CFAP54: variants seen among roughly 807,000 people sequenced by gnomAD.
CFAP54 encodes cilia and flagella associated protein 54.
A neutral mutation model predicts 370.4 loss-of-function variants in CFAP54; 290 were observed. The ratio of observed to expected loss-of-function variants is 0.78; its 90% CI spans 0.71 to 0.86. The LOEUF (loss-of-function observed/expected upper bound fraction) is 0.86, where lower values mean the gene tolerates loss of function less well. Ranked by LOEUF, CFAP54 falls within the 40% of genes least tolerant of loss-of-function variation. The pLI is 0.00. For missense variants in CFAP54, 3,399 were observed against 3,528.7 expected (o/e 0.96, Z 0.93); for synonymous variants, 1,206 against 1,236.5 (o/e 0.98, Z 0.52).
At chr12:96,726,654 G>C (rs1461006585) in intron 50 of CFAP54, among the ~76,000 whole-genome samples, 2 of 151,668 alleles carry the variant, frequency 1.3e-5, no homozygotes, top group Admixed American at 6.6e-5. Context: ...TTTTTGAAGG[G>C]TTTTTTGTGT....
intron 33 of CFAP54, chr12:96,645,280 G>A (rs1172873814): frequency 4.9e-6 from 2 of 407,690 alleles, no homozygotes; most frequent in Non-Finnish European, 1.0e-5. Flanking sequence ...TGAGCAAAAA[G>A]CACAAGCATT....
intron 17 of CFAP54, among the ~76,000 whole-genome samples, chr12:96,560,193 A>T (rs1565896761): frequency 6.6e-6 from 1 of 152,152 alleles, no homozygotes; most frequent in Non-Finnish European, 1.5e-5. Flanking sequence ...TAGCCACCCT[A>T]TTGTCCTGTT....
intron 63 of CFAP54, among the ~76,000 whole-genome samples, chr12:96,794,874 A>C (rs1030723412): frequency 6.6e-6 from 1 of 152,326 alleles, no homozygotes; most frequent in Non-Finnish European, 1.5e-5. Flanking sequence ...AGACTAGGTC[A>C]GAGGGAAGAT....
intron 51 of CFAP54, among the ~76,000 whole-genome samples, chr12:96,741,369 G>T (rs1024874100): frequency 6.6e-6 from 1 of 152,066 alleles, no homozygotes; most frequent in African/African-American, 2.4e-5. Flanking sequence ...CACCATATTG[G>T]TCAGGCTGGT....
intron 33 of CFAP54, chr12:96,647,172 T>G (rs1279906322): frequency 1.3e-5 from 2 of 152,014 alleles, no homozygotes; most frequent in East Asian, 3.9e-4. Context: ...GCCTAGACCT[T>G]ATTTTAAAAA....
chr12:96,848,200 C>G (rs902117792), intron 66 of CFAP54, among the ~76,000 whole-genome samples: 5 of 152,020 alleles, frequency 3.3e-5, no homozygotes, highest in African/African-American at 1.2e-4. Flanking sequence ...CCTTAGCCTC[C>G]CGAGTAGTTG....
intron 26 of CFAP54, among the ~76,000 whole-genome samples, chr12:96,608,459 CTT>C (rs5800258): frequency 4.7e-5 from 5 of 106,956 alleles, no homozygotes; most frequent in East Asian, 2.6e-4. Context: ...CATAGTAGGA[CTT>C]TTTTTTTTTT....
intron 63 of CFAP54, among the ~76,000 whole-genome samples, chr12:96,796,382 A>T (rs74733595): frequency 0.012 from 1,772 of 152,312 alleles, 37 homozygotes; most frequent in African/African-American, 0.04. Flanking sequence ...ATTGATAAAT[A>T]TATTGTGTTT....
chr12:96,635,044 A>G (rs900803079), intron 32 of CFAP54, among the ~76,000 whole-genome samples: 16 of 152,150 alleles, frequency 1.1e-4, no homozygotes, highest in Non-Finnish European at 1.6e-4. Context: ...TTTTTTTTAC[A>G]AAGTTGTTTT....
At chr12:96,734,341 C>T (rs1425640788) in intron 50 of CFAP54, among the ~76,000 whole-genome samples, 3 of 152,244 alleles carry the variant, frequency 2.0e-5, no homozygotes, top group East Asian at 1.9e-4. Context: ...TTGCTAAGCA[C>T]ACTCCATGCT....
At chr12:96,498,769 A>G (rs1041472393) in intron 1 of CFAP54, among the ~76,000 whole-genome samples, 1 of 152,212 alleles carries the variant, frequency 6.6e-6, no homozygotes, top group Non-Finnish European at 1.5e-5. Flanking sequence ...GAAAGAAAGA[A>G]TTGTTAAGTT....
intron 6 of CFAP54, among the ~76,000 whole-genome samples, chr12:96,519,450 CA>C (rs1200207606): frequency 3.9e-5 from 6 of 151,950 alleles, no homozygotes; most frequent in Non-Finnish European, 8.8e-5. Flanking sequence ...AGATGCCTGC[CA>C]GGGGAAAAAC....
At chr12:96,833,506 A>ATG (rs1565996540) in intron 66 of CFAP54, among the ~76,000 whole-genome samples, 3 of 96,078 alleles carry the variant, frequency 3.1e-5, no homozygotes, top group African/African-American at 4.8e-5. Context: ...ACACACGCGT[A>ATG]CGTGTGTGTG....
Position 96,740,053 on chromosome 12 carries a change from G to C in CFAP54, c.7063G>C (p.Gly2355Arg). 6.4e-7 allele frequency: 1 copy of C among 1,571,142 alleles called. No homozygotes were observed. The highest frequency in any genetic ancestry group is 8.7e-7 in the Non-Finnish European group (1 of 1,144,974). Reference protein sequence around the residue: ...QDDTENPVSPGTSVTENKDDS... With the variant: ...QDDTENPVSPRTSVTENKDDS... ...TGACACAGAGAATCCTGTCTCTCCA[G>C]GAACTTCTGTAAGTATGACTTAATG... The change falls in exon 51 of 68, where the codon GGA becomes CGA. Residue 2355 changes from glycine (G) to arginine (R), a missense_variant. Physicochemically the swap from Gly to Arg is moderately radical, Grantham distance 125. This residue lies in a region of CFAP54 where 2,796 missense variants were observed against 2,869.7 expected (regional missense o/e 0.97). Coordinates refer to ENST00000524981, the MANE Select transcript of CFAP54 (RefSeq NM_001306084.2).
At chr12:96,492,769 G>A (rs1954899883) in intron 1 of CFAP54, among the ~76,000 whole-genome samples, 1 of 152,210 alleles carries the variant, frequency 6.6e-6, no homozygotes, top group African/African-American at 2.4e-5. Context: ...GAGGCAGGCA[G>A]ATCACCTGCA....
intron 66 of CFAP54, among the ~76,000 whole-genome samples, chr12:96,854,004 AT>A (rs559739999): frequency 1.3e-5 from 2 of 151,706 alleles, no homozygotes; most frequent in Admixed American, 6.6e-5. Context: ...TAGCCACTTT[AT>A]TTTTTTTAAA....
intron 17 of CFAP54, among the ~76,000 whole-genome samples, chr12:96,562,622 G>A (rs1270801151): frequency 6.6e-6 from 1 of 151,540 alleles, no homozygotes; most frequent in Non-Finnish European, 1.5e-5. Flanking sequence ...TAGAGATGGG[G>A]TTTTGCCATG....
chr12:96,506,418 A>G (rs1210170171), intron 3 of CFAP54, among the ~76,000 whole-genome samples: 1 of 151,580 alleles, frequency 6.6e-6, no homozygotes, highest in Admixed American at 6.6e-5. Context: ...CTTGTGACTA[A>G]GGAAAGCTAG....
chr12:96,828,846 AG>A (rs1293333513), intron 65 of CFAP54, among the ~76,000 whole-genome samples, 167 bp from the exon 66 acceptor site: 1 of 152,182 alleles, frequency 6.6e-6, no homozygotes, highest in Non-Finnish European at 1.5e-5. Flanking sequence ...AATTCAAAAA[AG>A]CCTAATTACT....
Sources: gnomAD v4.1 joint callset for allele counts (sites outside exome capture counted in the v4.1 genomes callset) on GRCh38, gnomAD v4.1.1 for gene constraint, gnomAD v4.1.1 regional missense constraint, MANE v1.5 for transcripts, NCBI Gene and HGNC (gene_info 2026-07-23, HGNC 2026-07-21) for gene names.